KCNQ3: variants seen among roughly 807,000 people sequenced by gnomAD.
KCNQ3 encodes the protein potassium voltage-gated channel subfamily KQT member 3.
KCNQ3 carries 30 observed loss-of-function variants against 92.5 expected under a neutral mutation model. That is an observed-to-expected ratio of 0.32 (90% CI 0.24 to 0.44). The LOEUF (loss-of-function observed/expected upper bound fraction) is 0.44. Ranked by LOEUF, KCNQ3 falls within the 20% of genes least tolerant of loss-of-function variation. The pLI is 1.00. For missense variants in KCNQ3, 913 were observed against 1,140.3 expected (o/e 0.80, Z 2.87); for synonymous variants, 450 against 468.8 (o/e 0.96, Z 0.52).
At chr8:132,289,079 A>G (rs1816764692) in intron 1 of KCNQ3, among the ~76,000 whole-genome samples, 1 of 152,202 alleles carries the variant, frequency 6.6e-6, no homozygotes, top group African/African-American at 2.4e-5. Context: ...CTGAGCTGCA[A>G]AGACATTGAA....
At chr8:132,357,973 C>T (rs997277901) in intron 1 of KCNQ3, among the ~76,000 whole-genome samples, 4 of 152,346 alleles carry the variant, frequency 2.6e-5, no homozygotes, top group South Asian at 4.1e-4. Context: ...AACTCCATCC[C>T]GTCCTCGACA....
At chr8:132,412,996 G>GACTCCACTGT (rs1411668433) in intron 1 of KCNQ3, among the ~76,000 whole-genome samples, 20 of 152,316 alleles carry the variant, frequency 1.3e-4, no homozygotes, top group African/African-American at 4.6e-4. Context: ...ACCTCACAGT[G>GACTCCACTGT]GAGTACACAC....
rs1231369074 is a variant in KCNQ3, at chr8:132,479,997, G to A, written c.386+150C>T. The A allele has an allele frequency of 6.7e-6, 4 of 601,068 alleles. No homozygotes were observed. In the South Asian group the frequency reaches 8.1e-5, roughly 12 times the overall value. 37.2% of individuals were successfully genotyped at this position (601,068 alleles called of 1,614,324 possible). On this transcript the variant is annotated intron_variant, in intron 1 of 14. Coordinates refer to ENST00000388996, the MANE Select transcript of KCNQ3 (RefSeq NM_004519.4). ...ACACACACACACACACACACACCCA[G>A]GGAAACGCGTGCTGAGGACGGGCTG...
At chr8:132,315,208 A>G (rs1817706397) in intron 1 of KCNQ3, among the ~76,000 whole-genome samples, 1 of 152,210 alleles carries the variant, frequency 6.6e-6, no homozygotes. Context: ...GGGCAAGAAG[A>G]ATGTGGGGAA....
chr8:132,362,676 T>G (rs1327765315), intron 1 of KCNQ3, among the ~76,000 whole-genome samples: 1 of 152,134 alleles, frequency 6.6e-6, no homozygotes, highest in African/African-American at 2.4e-5. Flanking sequence ...AGCCAGGCTA[T>G]GAAGGGGACA....
chr8:132,316,278 C>T (rs62520370), intron 1 of KCNQ3, among the ~76,000 whole-genome samples: 200 of 152,272 alleles, frequency 1.3e-3, no homozygotes, highest in Middle Eastern at 6.8e-3. Context: ...GCCTCCTCTC[C>T]GCTGAAGAGT....
rs569340707 is a variant in KCNQ3, at chr8:132,413,062, G to A, written c.386+67085C>T. ...TCAAAGGACGAATGGATGAATTAGT[G>A]AAAAAATGAGTGAATGAATGAATGC... On this transcript the variant is annotated intron_variant, in intron 1 of 14. Transcript: ENST00000388996. 7.6e-4 allele frequency among the ~76,000 whole-genome samples: 115 copies of A among 152,290 alleles called. 1 individual carries two copies. Among genetic ancestry groups the A allele is most frequent in the Middle Eastern group, 3.4e-3 (1 of 294 alleles).
At chr8:132,300,232 C>A (rs1481179716) in intron 1 of KCNQ3, among the ~76,000 whole-genome samples, 1 of 152,116 alleles carries the variant, frequency 6.6e-6, no homozygotes, top group Non-Finnish European at 1.5e-5. Flanking sequence ...TGGGAGGTGA[C>A]ACCATTTTTT....
chr8:132,414,672 G>A (rs531935044), intron 1 of KCNQ3, among the ~76,000 whole-genome samples: 1 of 152,172 alleles, frequency 6.6e-6, no homozygotes, highest in Non-Finnish European at 1.5e-5. Context: ...ATGGACTGAC[G>A]GTGGGAAAGG....
At chr8:132,338,732 G>A (rs1240777229) in intron 1 of KCNQ3, among the ~76,000 whole-genome samples, 1 of 152,176 alleles carries the variant, frequency 6.6e-6, no homozygotes, top group Non-Finnish European at 1.5e-5. Context: ...CTTGCTGAGG[G>A]GATGCTGACA....
intron 1 of KCNQ3, among the ~76,000 whole-genome samples, chr8:132,348,878 T>G (rs1434673482): frequency 6.6e-6 from 1 of 152,262 alleles, no homozygotes; most frequent in African/African-American, 2.4e-5. Context: ...TTGCTTTCAC[T>G]GTAACATACC....
At chr8:132,172,758 GC>G in intron 6 of KCNQ3, 65 bp from the exon 7 acceptor site, 1 of 1,187,006 alleles carries the variant, frequency 8.4e-7, no homozygotes, top group Non-Finnish European at 1.3e-6. Context: ...CCGCTCCATT[GC>G]CAGGGTAATG....
chr8:132,446,887 G>A lies in KCNQ3; in HGVS notation c.386+33260C>T, dbSNP rs141384470. 3.5e-3 allele frequency among the ~76,000 whole-genome samples: 531 copies of A among 152,342 alleles called. 5 individuals carry two copies. The highest frequency in any genetic ancestry group is 0.012 in the African/African-American group (511 of 41,570). The stretch of plus-strand genomic sequence containing the variant: ...AAACAATAAAAAAGATGTAGGAGGA[G>A]ACGAATTTAAAGCCAGAAGCACGTG... On this transcript the variant is annotated intron_variant, in intron 1 of 14. Transcript: ENST00000388996.
At chr8:132,439,169 G>A (rs948330424) in intron 1 of KCNQ3, among the ~76,000 whole-genome samples, 3 of 151,676 alleles carry the variant, frequency 2.0e-5, no homozygotes, top group Non-Finnish European at 2.9e-5. Context: ...TTCTGGCAAA[G>A]TCAAGATTTA....
intron 1 of KCNQ3, among the ~76,000 whole-genome samples, chr8:132,269,148 G>A (rs1426730507): frequency 1.3e-5 from 2 of 152,164 alleles, no homozygotes; most frequent in Non-Finnish European, 2.9e-5. Context: ...GTGCAAATCA[G>A]ACAGTCTGTG....
rs780938836 is a variant in KCNQ3, at chr8:132,279,870, G to GTGTA, written c.387-93690_387-93689insTACA. Among the ~76,000 whole-genome samples the GTGTA allele has an allele frequency of 6.6e-5, 10 of 151,904 alleles. No homozygotes were observed. The East Asian group carries it at 7.7e-4, about 12-fold the overall frequency. On this transcript the variant is annotated intron_variant, in intron 1 of 14. Coordinates refer to ENST00000388996, the MANE Select transcript of KCNQ3 (RefSeq NM_004519.4). The stretch of plus-strand genomic sequence containing the variant: ...TATATATGCGTGTGTGTGTGTGTGT[G>GTGTA]TATATATATATTTGAGATAGTTCTG...
At chr8:132,134,788 C>A (rs2130932719) in intron 12 of KCNQ3, among the ~76,000 whole-genome samples, 1 of 151,852 alleles carries the variant, frequency 6.6e-6, no homozygotes, top group East Asian at 1.9e-4. Flanking sequence ...AGGTGGACTG[C>A]AAACCTGTCT....
chr8:132,194,156 C>T (rs888303852), intron 1 of KCNQ3, among the ~76,000 whole-genome samples: 10 of 152,142 alleles, frequency 6.6e-5, no homozygotes, highest in African/African-American at 1.2e-4. Flanking sequence ...CATTGAATAG[C>T]GATGCATAGA....
chr8:132,312,325 T>C (rs1817618277), intron 1 of KCNQ3, among the ~76,000 whole-genome samples: 1 of 152,234 alleles, frequency 6.6e-6, no homozygotes, highest in Non-Finnish European at 1.5e-5. Flanking sequence ...TTTTTGGTGC[T>C]GCTTTATGAA....
Sources: allele counts gnomAD v4.1 joint callset (sites outside exome capture counted in the v4.1 genomes callset), GRCh38; gene constraint gnomAD v4.1.1; transcripts MANE v1.5; gene names NCBI Gene and HGNC (gene_info 2026-07-23, HGNC 2026-07-21).